The following GLT8D2 variants were observed in gnomAD, a reference collection of about 807,000 sequenced individuals.
The protein encoded by GLT8D2 is glycosyltransferase 8 domain containing 2.
GLT8D2 carries 45 observed loss-of-function variants against 44.5 expected under a neutral mutation model. The observed-to-expected ratio is 1.01, with a 90% CI of 0.80 to 1.30. The LOEUF (loss-of-function observed/expected upper bound fraction) is 1.30. Ranked by LOEUF, GLT8D2 falls within the 50% of genes most tolerant of loss-of-function variation. The probability of loss-of-function intolerance (pLI) is 0.00; values close to 1 mark genes in which losing one functional copy is unlikely to be tolerated. For synonymous variants in GLT8D2, 156 were observed against 157.2 expected, an observed-to-expected ratio of 0.99 and a Z score of 0.06; for missense variants, 400 against 430.4, an observed-to-expected ratio of 0.93 and a Z score of 0.62.
At chr12:104,010,245 C>G (rs1875655990) in intron 4 of GLT8D2, among the ~76,000 whole-genome samples, 1 of 152,230 alleles carries the variant, frequency 6.6e-6, no homozygotes, top group South Asian at 2.1e-4. Flanking sequence ...GCTCACTTCT[C>G]CAGCCTCACC....
At chr12:104,051,121 CT>C (rs34909090), upstream of GLT8D2, among the ~76,000 whole-genome samples, 402 of 145,418 alleles carry the variant, frequency 2.8e-3, no homozygotes, top group African/African-American at 3.7e-3. Flanking sequence ...GCCAATTTTA[CT>C]TTTTTTTTTT....
At chr12:104,051,504 G>A (rs997244177), upstream of GLT8D2, among the ~76,000 whole-genome samples, 1 of 152,032 alleles carries the variant, frequency 6.6e-6, no homozygotes, top group Admixed American at 6.6e-5. Context: ...TATTCATGGG[G>A]TACATATTGA....
chr12:104,064,270 G>A (rs529941772), upstream of GLT8D2: 8 of 350,980 alleles, frequency 2.3e-5, no homozygotes, highest in South Asian at 6.6e-4. This position sits in a 1 kb window ranked among gnomAD's most constrained non-coding sequence, Gnocchi z 7.3. Flanking sequence ...ATACCGAACG[G>A]GAGGCTCTGG....
chr12:104,002,399 T>C (rs1874339157), intron 5 of GLT8D2, among the ~76,000 whole-genome samples: 1 of 152,230 alleles, frequency 6.6e-6, no homozygotes, highest in Non-Finnish European at 1.5e-5. Flanking sequence ...TTTTTGTCTA[T>C]AATACATGTT....
intron 1 of GLT8D2, among the ~76,000 whole-genome samples, chr12:104,058,084 C>G (rs761028726): frequency 6.6e-6 from 1 of 152,174 alleles, no homozygotes; most frequent in South Asian, 2.1e-4. Flanking sequence ...GTTTCCAGAG[C>G]TGGGATGGTA....
chr12:104,001,390 C>T (rs895676407), intron 5 of GLT8D2, among the ~76,000 whole-genome samples: 1 of 152,162 alleles, frequency 6.6e-6, no homozygotes, highest in South Asian at 2.1e-4. Flanking sequence ...AGCACAGATT[C>T]CTGGAAGAGG....
At chr12:104,004,175 G>A (rs1414755946) in intron 4 of GLT8D2, among the ~76,000 whole-genome samples, 3 of 152,048 alleles carry the variant, frequency 2.0e-5, no homozygotes, top group Admixed American at 6.6e-5. Context: ...GACAAAATTC[G>A]ACAGCCCTTC....
intron 3 of GLT8D2, among the ~76,000 whole-genome samples, chr12:104,016,239 T>C (rs74997542): frequency 0.088 from 13,400 of 152,254 alleles, 895 homozygotes; most frequent in East Asian, 0.31. Flanking sequence ...GCTTTTATTT[T>C]GTTGAATTTA....
At chr12:104,026,135 T>C (rs1215942711) in intron 1 of GLT8D2, among the ~76,000 whole-genome samples, 1 of 151,798 alleles carries the variant, frequency 6.6e-6, no homozygotes, top group Non-Finnish European at 1.5e-5. Context: ...AAAAATTGGC[T>C]GGACGTGGTG....
chr12:104,006,813 A>C (rs1377421241), intron 4 of GLT8D2, among the ~76,000 whole-genome samples: 1 of 152,220 alleles, frequency 6.6e-6, no homozygotes, highest in Non-Finnish European at 1.5e-5. Flanking sequence ...AAAATCTATT[A>C]TTTTGGAGCT....
intron 1 of GLT8D2, among the ~76,000 whole-genome samples, 165 bp from the exon 2 acceptor site, chr12:104,021,656 G>A (rs1877652675): frequency 1.3e-5 from 2 of 151,592 alleles, no homozygotes; most frequent in South Asian, 4.2e-4. Context: ...AGGCATCATG[G>A]TGCATGCCTG....
chr12:104,016,864 AAGAAAGAAAG>A (rs1876908785), intron 3 of GLT8D2, among the ~76,000 whole-genome samples: 2 of 151,042 alleles, frequency 1.3e-5, no homozygotes, highest in African/African-American at 4.9e-5. Flanking sequence ...GAAAGAAAGA[AAGAAAGAAAG>A]AAAGAAAGAA....
At chr12:104,055,185 G>C (rs1479315752), upstream of GLT8D2, among the ~76,000 whole-genome samples, 2 of 152,180 alleles carry the variant, frequency 1.3e-5, no homozygotes, top group Non-Finnish European at 2.9e-5. Context: ...CTGCACAAAA[G>C]GGACGAGGGG....
At chr12:104,058,166 G>A (rs973026039) in intron 1 of GLT8D2, among the ~76,000 whole-genome samples, 3 of 152,222 alleles carry the variant, frequency 2.0e-5, no homozygotes, top group African/African-American at 7.2e-5. Flanking sequence ...GATGCTTCTA[G>A]TGGTTGAGGC....
rs1877624300 is a variant in GLT8D2 at position 104,021,509 on chromosome 12, G to C, written c.-163-18C>G. 2.0e-5 allele frequency: 3 copies of C among 152,350 alleles called. No homozygotes were observed. Among genetic ancestry groups the C allele is most frequent in the Admixed American group, 6.6e-5 (1 of 15,258 alleles). 9.4% of individuals were successfully genotyped at this position (152,350 alleles called of 1,614,324 possible). On this transcript the variant is annotated intron_variant, in intron 1 of 10. Transcript: ENST00000360814. The stretch of plus-strand genomic sequence containing the variant: ...CACAGGACCTAAAGTGACATTTTAA[G>C]TGTTTTACTGGGCGTGGTGGCTCAC...
chr12:103,992,647 C>T (rs192791031), intron 10 of GLT8D2, among the ~76,000 whole-genome samples: 28 of 152,174 alleles, frequency 1.8e-4, no homozygotes, highest in South Asian at 8.3e-4. Flanking sequence ...TGCCTGCCCC[C>T]ATGCCCAGCG....
chr12:104,006,709 C>T (rs1269651227), intron 4 of GLT8D2, among the ~76,000 whole-genome samples: 2 of 152,168 alleles, frequency 1.3e-5, no homozygotes, highest in Non-Finnish European at 2.9e-5. Flanking sequence ...CCTTGTTAGA[C>T]GATTTACAAG....
upstream of GLT8D2, among the ~76,000 whole-genome samples, chr12:104,054,859 T>C (rs1882040947): frequency 6.6e-6 from 1 of 152,160 alleles, no homozygotes; most frequent in African/African-American, 2.4e-5. Flanking sequence ...CTGCTGCATA[T>C]GGCCACACTG....
intron 4 of GLT8D2, among the ~76,000 whole-genome samples, chr12:104,013,556 C>G (rs1399777066): frequency 6.6e-6 from 1 of 151,964 alleles, no homozygotes; most frequent in Non-Finnish European, 1.5e-5. Flanking sequence ...TTTGCAGATT[C>G]CATGTTCATT....
Sources: gnomAD v4.1 joint callset for allele counts (sites outside exome capture counted in the v4.1 genomes callset) on GRCh38, gnomAD v4.1.1 for gene constraint, Gnocchi (gnomAD v3.1) non-coding constraint, MANE v1.5 for transcripts, NCBI Gene and HGNC (gene_info 2026-07-23, HGNC 2026-07-21) for gene names.